The following RTL4 variants were observed in gnomAD, a reference collection of about 807,000 sequenced individuals.
RTL4 encodes retrotransposon Gag like 4, also known as retrotransposon Gag-like protein 4.
Under a neutral mutation model 5.3 loss-of-function variants are expected in RTL4, and 4 were observed. That is an observed-to-expected ratio of 0.75 (90% CI 0.37 to 1.72). RTL4 has a LOEUF of 1.72. Ranked by LOEUF, RTL4 falls within the 40% of genes most tolerant of loss-of-function variation. The pLI is 0.04. For missense variants in RTL4, 260 were observed against 227.1 expected (o/e 1.14, Z -0.93); for synonymous variants, 98 against 87.3 (o/e 1.12, Z -0.68).
the RTL4 span, among the ~76,000 whole-genome samples, chrX:112,096,231 C>T: frequency 8.9e-6 from 1 of 111,991 alleles, no homozygotes; most frequent in Non-Finnish European, 1.9e-5. Context: ...CTGAAGAACA[C>T]TTAGAACAGT....
At chrX:112,210,888 G>A in the RTL4 span, among the ~76,000 whole-genome samples, 5 of 112,246 alleles carry the variant, frequency 4.5e-5, no homozygotes, top group Admixed American at 1.9e-4. Flanking sequence ...ATTTTTCCAC[G>A]AGAACTGTCT....
At chrX:112,384,937 T>C in the RTL4 span, among the ~76,000 whole-genome samples, 5 of 111,452 alleles carry the variant, frequency 4.5e-5, no homozygotes, top group Non-Finnish European at 9.4e-5. Flanking sequence ...CTCTTGCAAG[T>C]TGTATTCCTA....
the RTL4 span, among the ~76,000 whole-genome samples, chrX:112,309,686 G>A: frequency 9.3e-6 from 1 of 107,759 alleles, no homozygotes; most frequent in South Asian, 4.1e-4. Flanking sequence ...TCACCATGTT[G>A]CCCAGGAATG....
At chrX:112,252,931 TAC>T in the RTL4 span, among the ~76,000 whole-genome samples, 1 of 111,492 alleles carries the variant, frequency 9.0e-6, no homozygotes, top group Non-Finnish European at 1.9e-5. Context: ...GCTAACAGTT[TAC>T]ACACACACTC....
At chrX:112,330,638 C>T in the RTL4 span, among the ~76,000 whole-genome samples, 1 of 110,872 alleles carries the variant, frequency 9.0e-6, no homozygotes, top group Non-Finnish European at 1.9e-5. Flanking sequence ...ACTTTCTTCA[C>T]AGAATTGGAA....
At chrX:112,092,075 C>CT in the RTL4 span, among the ~76,000 whole-genome samples, 7 of 111,362 alleles carry the variant, frequency 6.3e-5, no homozygotes, top group Non-Finnish European at 9.5e-5. Flanking sequence ...CATGCAATAT[C>CT]TTTTTTGTCC....
the RTL4 span, among the ~76,000 whole-genome samples, chrX:112,271,049 G>GAAAAA: frequency 1.2e-4 from 7 of 60,866 alleles, no homozygotes; most frequent in African/African-American, 2.2e-4. Flanking sequence ...CCTGGAGACA[G>GAAAAA]AAAAAAAAAA....
chrX:112,313,755 G>A, the RTL4 span, among the ~76,000 whole-genome samples: 1 of 109,935 alleles, frequency 9.1e-6, no homozygotes, highest in Non-Finnish European at 1.9e-5. Context: ...ATGTTGCTCT[G>A]ACAAGGACAG....
the RTL4 span, among the ~76,000 whole-genome samples, chrX:112,146,681 T>C: frequency 9.1e-6 from 1 of 109,302 alleles, no homozygotes; most frequent in Non-Finnish European, 1.9e-5. Context: ...CCCTGAAATA[T>C]TAATGAATCA....
the RTL4 span, among the ~76,000 whole-genome samples, chrX:112,145,478 G>A: frequency 9.0e-6 from 1 of 111,202 alleles, no homozygotes; most frequent in Non-Finnish European, 1.9e-5. Flanking sequence ...GAGTCTCTAA[G>A]TTTCTTTTCT....
the RTL4 span, among the ~76,000 whole-genome samples, chrX:112,161,988 T>A: frequency 9.1e-6 from 1 of 109,455 alleles, no homozygotes; most frequent in Middle Eastern, 4.2e-3. Context: ...CACGCAATAA[T>A]GCCCTAATAA....
chrX:112,126,159 AG>A, the RTL4 span, among the ~76,000 whole-genome samples: 1 of 112,272 alleles, frequency 8.9e-6, no homozygotes, highest in Admixed American at 9.4e-5. Flanking sequence ...TAAGATGACT[AG>A]TCCCTAAGAA....
chrX:112,106,177 G>A, the RTL4 span, among the ~76,000 whole-genome samples: 1 of 111,883 alleles, frequency 8.9e-6, no homozygotes, highest in Non-Finnish European at 1.9e-5. Context: ...TCACGTTTGT[G>A]GATTTGTGTA....
chrX:112,182,337 G>A, the RTL4 span, among the ~76,000 whole-genome samples: 2 of 111,908 alleles, frequency 1.8e-5, no homozygotes, highest in Admixed American at 9.5e-5. Flanking sequence ...GAATGAGTTT[G>A]ACGAATTGAC....
chrX:112,158,708 C>T, the RTL4 span, among the ~76,000 whole-genome samples: 231 of 110,969 alleles, frequency 2.1e-3, no homozygotes, highest in Middle Eastern at 9.3e-3. Context: ...ATAATTTAAC[C>T]ACAGTTTTAT....
chrX:112,399,493 C>T, the RTL4 span, among the ~76,000 whole-genome samples: 4 of 111,129 alleles, frequency 3.6e-5, no homozygotes, highest in Non-Finnish European at 7.6e-5. Flanking sequence ...TAGCTGCATC[C>T]CTTGAATTTT....
chrX:112,281,475 T>C, the RTL4 span, among the ~76,000 whole-genome samples: 1 of 112,106 alleles, frequency 8.9e-6, no homozygotes, highest in Non-Finnish European at 1.9e-5. Flanking sequence ...ATTTTTGACA[T>C]ACTGATTTTG....
At chrX:112,088,015 C>CT in the RTL4 span, among the ~76,000 whole-genome samples, 387 of 106,101 alleles carry the variant, frequency 3.6e-3, 1 homozygote, top group African/African-American at 0.013. Context: ...TTTTTTTTGC[C>CT]TTTTTTTTCC....
the RTL4 span, among the ~76,000 whole-genome samples, chrX:112,383,045 A>C: frequency 8.9e-6 from 1 of 111,948 alleles, no homozygotes; most frequent in Non-Finnish European, 1.9e-5. Flanking sequence ...GCATTCTAAA[A>C]GATAGCAAGT....
Sources: gnomAD v4.1 joint callset for allele counts (sites outside exome capture counted in the v4.1 genomes callset) on GRCh38, gnomAD v4.1.1 for gene constraint, MANE v1.5 for transcripts, NCBI Gene and HGNC (gene_info 2026-07-23, HGNC 2026-07-21) for gene names.